FBXO42: variants seen among roughly 807,000 people sequenced by gnomAD.
The protein encoded by FBXO42 is F-box only protein 42.
A neutral mutation model predicts 71.7 loss-of-function variants in FBXO42; 12 were observed. The observed-to-expected ratio is 0.17, with a 90% CI of 0.11 to 0.27. The LOEUF (loss-of-function observed/expected upper bound fraction) is 0.27, where lower values mean the gene tolerates loss of function less well. FBXO42 is among the 10% of genes least tolerant of loss of function. The pLI, the probability that FBXO42 is intolerant of heterozygous loss-of-function variation, is 1.00. For synonymous variants in FBXO42, 325 were observed against 327.5 expected (o/e 0.99, Z 0.08); for missense variants, 707 against 911.9 (o/e 0.78, Z 2.89).
rs146700224 is a variant in FBXO42, at chr1:16,342,122, T to C, written c.-18+10133A>G. 4.6e-3 allele frequency among the ~76,000 whole-genome samples: 688 copies of C among 150,658 alleles called. 6 individuals carry two copies. The highest frequency in any genetic ancestry group is 0.016 in the African/African-American group (663 of 41,018). Reference sequence around the variant, plus strand: ...CAAAACCCTAACTCTACAGGCCAGGTGCAGTGGCTCACGCCTGTAATCCCA... The same window carrying C: ...CAAAACCCTAACTCTACAGGCCAGGCGCAGTGGCTCACGCCTGTAATCCCA... On this transcript the variant is annotated intron_variant, in intron 1 of 9. Transcript: ENST00000375592.
intron 1 of FBXO42, among the ~76,000 whole-genome samples, chr1:16,336,972 C>T (rs911058985): frequency 3.6e-4 from 54 of 151,984 alleles, no homozygotes; most frequent in African/African-American, 1.3e-3. Context: ...GCAATAAGAG[C>T]GAAACTCTGT....
intron 2 of FBXO42, among the ~76,000 whole-genome samples, chr1:16,309,995 A>C (rs1365197032): frequency 6.6e-6 from 1 of 151,998 alleles, no homozygotes; most frequent in Non-Finnish European, 1.5e-5. Flanking sequence ...GGAGATCGAG[A>C]CCATCCTGGC....
At chr1:16,301,687 C>CCA (rs2082196969) in intron 3 of FBXO42, among the ~76,000 whole-genome samples, 1 of 133,222 alleles carries the variant, frequency 7.5e-6, no homozygotes, top group East Asian at 2.1e-4. Flanking sequence ...AAAAAAACAA[C>CCA]AAAAAAAAAA....
At chr1:16,262,912 T>C (rs1022225076) in intron 4 of FBXO42, among the ~76,000 whole-genome samples, 1 of 151,940 alleles carries the variant, frequency 6.6e-6, no homozygotes, top group Non-Finnish European at 1.5e-5. Flanking sequence ...CATTTCACCA[T>C]GTTGTGTAGG....
chr1:16,252,496 T>A lies in FBXO42; in HGVS notation c.922-92A>T. 9.7e-7 allele frequency: 1 copy of A among 1,029,808 alleles called. No individual in the cohort carries two copies. Among genetic ancestry groups the A allele is most frequent in the South Asian group, 1.3e-5 (1 of 75,860 alleles). The allele number at this position is 1,029,808 out of a possible 1,614,324, so 63.8% of individuals were successfully genotyped here. ...GTTGCAGTCTCAAAGCTCTCCTGTCTGGTCTTGAAAGGATGTGGACTCTTC... is the reference window on the plus strand; with the variant it reads ...GTTGCAGTCTCAAAGCTCTCCTGTCAGGTCTTGAAAGGATGTGGACTCTTC... On this transcript the variant is annotated intron_variant, in intron 8 of 9. Coordinates refer to ENST00000375592, the MANE Select transcript of FBXO42 (RefSeq NM_018994.3). The surrounding 1 kb of genome is among the most constrained non-coding windows in gnomAD (Gnocchi z 4.4).
chr1:16,282,221 T>A (rs2081971569), intron 4 of FBXO42, among the ~76,000 whole-genome samples: 2 of 60,738 alleles, frequency 3.3e-5, no homozygotes, highest in Non-Finnish European at 7.7e-5. Context: ...AGACATTTTC[T>A]TTTTTTTTTT....
chr1:16,279,854 C>CTTTTTTTTTT (rs1553151074), intron 4 of FBXO42, among the ~76,000 whole-genome samples: 4,276 of 137,956 alleles, frequency 0.031, 148 homozygotes, highest in Middle Eastern at 0.043. Context: ...TTTTTTTTTT[C>CTTTTTTTTTT]TTTTTTTTTT....
intron 7 of FBXO42, 67 bp from the exon 8 acceptor site, chr1:16,253,219 T>G: frequency 7.0e-7 from 1 of 1,435,762 alleles, no homozygotes; most frequent in Admixed American, 1.9e-5. Context: ...TATGCTTCAC[T>G]GGTATATGAG....
intron 4 of FBXO42, among the ~76,000 whole-genome samples, chr1:16,268,801 T>C (rs2081805278): frequency 6.6e-6 from 1 of 151,858 alleles, no homozygotes; most frequent in African/African-American, 2.4e-5. Context: ...CCGTCTCTAC[T>C]AAAAACGAAC....
At chr1:16,270,674 C>CAAAAAAAA (rs34861558) in intron 4 of FBXO42, among the ~76,000 whole-genome samples, 7 of 14,894 alleles carry the variant, frequency 4.7e-4, no homozygotes, top group East Asian at 5.4e-3. Context: ...CTCTGTCTCT[C>CAAAAAAAA]AAAAAAAAAA....
At chr1:16,279,247 T>C (rs1481070573) in intron 4 of FBXO42, among the ~76,000 whole-genome samples, 7 of 152,220 alleles carry the variant, frequency 4.6e-5, no homozygotes, top group African/African-American at 1.7e-4. Flanking sequence ...TGGAAGATAT[T>C]GTTCTTTTAG....
chr1:16,253,311 C>T (rs2081609946), intron 7 of FBXO42, 159 bp from the exon 8 acceptor site: 8 of 631,138 alleles, frequency 1.3e-5, no homozygotes, highest in Non-Finnish European at 2.2e-5. Context: ...AATTCTGATC[C>T]CTGTGAATAA....
At position 16,352,405 on chromosome 1, in the gene FBXO42, G is replaced by C. The variant is rs2082711464; in HGVS notation, c.-168C>G. On this transcript the variant is annotated 5_prime_UTR_variant, in exon 1 of 10. Coordinates refer to ENST00000375592, the MANE Select transcript of FBXO42 (RefSeq NM_018994.3). ...AGCTGGCGGGACCCCGAGCCGCCCG[G>C]AGCCGCCATCTTCCTCCACTCAAAC... The C allele has an allele frequency of 5.0e-6, 2 of 399,730 alleles. No individual in the cohort carries two copies. Among genetic ancestry groups the C allele is most frequent in the African/African-American group, 2.1e-5 (1 of 48,624 alleles). The allele number at this position is 399,730 out of a possible 1,614,324, so 24.8% of individuals were successfully genotyped here.
chr1:16,344,869 T>C (rs1362560508), intron 1 of FBXO42, among the ~76,000 whole-genome samples: 1 of 151,290 alleles, frequency 6.6e-6, no homozygotes, highest in East Asian at 2.0e-4. Flanking sequence ...GAGGCCAAGG[T>C]GAGTGGATCA....
At chr1:16,281,122 C>G (rs2081958999) in intron 4 of FBXO42, among the ~76,000 whole-genome samples, 2 of 152,086 alleles carry the variant, frequency 1.3e-5, no homozygotes. Flanking sequence ...ACCATCACAC[C>G]TGGCTAATTT....
chr1:16,253,539 G>T, intron 7 of FBXO42, 96 bp downstream of exon 7: 1 of 1,009,870 alleles, frequency 9.9e-7, no homozygotes, highest in Non-Finnish European at 1.5e-6. Context: ...TTGGCTTAGT[G>T]CATATTGGCA....
intron 1 of FBXO42, among the ~76,000 whole-genome samples, chr1:16,316,306 C>T (rs1311428742): frequency 6.6e-6 from 1 of 152,078 alleles, no homozygotes; most frequent in African/African-American, 2.4e-5. Flanking sequence ...GGTGTTTACC[C>T]CGAGATAACT....
chr1:16,293,518 C>A (rs1468306101), intron 4 of FBXO42: 1 of 152,184 alleles, frequency 6.6e-6, no homozygotes, highest in Non-Finnish European at 1.5e-5. Context: ...ATAGCTCCTC[C>A]TCCTGGTGTG....
At chr1:16,281,151 G>C (rs2081959284) in intron 4 of FBXO42, among the ~76,000 whole-genome samples, 1 of 152,020 alleles carries the variant, frequency 6.6e-6, no homozygotes, top group South Asian at 2.1e-4. Context: ...TAGTAGAGAC[G>C]GGGTTTCTCC....
Sources: gnomAD v4.1 joint callset for allele counts (sites outside exome capture counted in the v4.1 genomes callset) on GRCh38, gnomAD v4.1.1 for gene constraint, Gnocchi (gnomAD v3.1) non-coding constraint, MANE v1.5 for transcripts, NCBI Gene and HGNC (gene_info 2026-07-23, HGNC 2026-07-21) for gene names.